Variants in MAGI2 observed in about 807,000 individuals in gnomAD.
MAGI2 encodes the protein membrane-associated guanylate kinase, WW and PDZ domain-containing protein 2.
In MAGI2, 35 loss-of-function variants were observed where a neutral mutation model predicts 133.3. The ratio of observed to expected loss-of-function variants is 0.26; its 90% CI spans 0.20 to 0.35. The LOEUF (loss-of-function observed/expected upper bound fraction) is 0.35, where lower values mean the gene tolerates loss of function less well. Among genes scored for constraint, MAGI2 ranks in the 10% least tolerant of loss-of-function variants. The pLI is 1.00. For missense variants in MAGI2, 1,636 were observed against 1,863.4 expected, an observed-to-expected ratio of 0.88 and a Z score of 2.25; for synonymous variants, 729 against 710.6, an observed-to-expected ratio of 1.03 and a Z score of -0.41.
intron 3 of MAGI2, among the ~76,000 whole-genome samples, chr7:78,601,559 C>G (rs754432248): frequency 1.3e-5 from 2 of 152,110 alleles, no homozygotes; most frequent in East Asian, 3.9e-4. Flanking sequence ...TTGCAAAAAT[C>G]CTGTTTCCTT....
intron 13 of MAGI2, among the ~76,000 whole-genome samples, chr7:78,179,221 T>C (rs1253007542): frequency 6.6e-6 from 1 of 152,216 alleles, no homozygotes; most frequent in Non-Finnish European, 1.5e-5. Flanking sequence ...TAGAAGCAGG[T>C]ATTAAGTAAA....
intron 21 of MAGI2, among the ~76,000 whole-genome samples, chr7:78,056,159 G>A (rs1812544180): frequency 6.6e-6 from 1 of 152,068 alleles, no homozygotes. Flanking sequence ...CATGTAAGTG[G>A]AATCATGCAG....
chr7:78,579,924 A>C (rs918217731), intron 3 of MAGI2, among the ~76,000 whole-genome samples: 11 of 152,140 alleles, frequency 7.2e-5, no homozygotes, highest in African/African-American at 2.7e-4. Context: ...GCAGCGACCA[A>C]CTGCTCGTCT....
chr7:79,112,216 G>T (rs898505195), intron 1 of MAGI2, among the ~76,000 whole-genome samples: 1 of 151,918 alleles, frequency 6.6e-6, no homozygotes, highest in African/African-American at 2.4e-5. Context: ...TAAGCGAATA[G>T]TTATCTGGAA....
chr7:79,408,104 T>A lies in MAGI2; in HGVS notation c.301+44916A>T, dbSNP rs184006093. On this transcript the variant is annotated intron_variant, in intron 1 of 21. Coordinates refer to ENST00000354212, the MANE Select transcript of MAGI2 (RefSeq NM_012301.4). ...TTTTAAATGCTATAAATAGAAATAG[T>A]CTAGCTTGGAAAGCTTGATTTTACT... 6.0e-3 allele frequency among the ~76,000 whole-genome samples: 917 copies of A among 152,270 alleles called. 9 individuals carry two copies. Among genetic ancestry groups the A allele is most frequent in the African/African-American group, 0.021 (875 of 41,570 alleles).
intron 2 of MAGI2, among the ~76,000 whole-genome samples, chr7:78,803,716 C>T (rs1258144294): frequency 6.6e-6 from 1 of 152,084 alleles, no homozygotes; most frequent in African/African-American, 2.4e-5. Context: ...ATGTATATGA[C>T]TCATATACTT....
intron 2 of MAGI2, among the ~76,000 whole-genome samples, chr7:78,654,703 G>GTATA (rs57776940): frequency 1.7e-4 from 20 of 118,434 alleles, no homozygotes; most frequent in East Asian, 5.2e-4. Context: ...TTACATATAT[G>GTATA]TATATATATA....
At chr7:79,057,562 TCAGC>T (rs1216016509) in intron 1 of MAGI2, among the ~76,000 whole-genome samples, 1 of 152,230 alleles carries the variant, frequency 6.6e-6, no homozygotes, top group African/African-American at 2.4e-5. Context: ...TCAGGTTGTC[TCAGC>T]CTAGAAGTGC....
At chr7:78,858,199 C>A (rs1258595377) in intron 2 of MAGI2, among the ~76,000 whole-genome samples, 2 of 152,090 alleles carry the variant, frequency 1.3e-5, no homozygotes, top group Non-Finnish European at 2.9e-5. Context: ...TTTCAAAAAA[C>A]CAGCTCCTGG....
intron 9 of MAGI2, among the ~76,000 whole-genome samples, chr7:78,311,563 A>G (rs1246179525): frequency 1.3e-5 from 2 of 152,180 alleles, no homozygotes; most frequent in Non-Finnish European, 2.9e-5. Flanking sequence ...ATGACAGTAT[A>G]AAGAAACAAA....
chr7:79,177,197 G>GT (rs552661004), intron 1 of MAGI2: 2 of 151,800 alleles, frequency 1.3e-5, no homozygotes, highest in Non-Finnish European at 2.9e-5. Context: ...ATTAAGGATC[G>GT]TTTTTTCCTA....
chr7:78,644,028 TATA>T (rs1234230434), intron 2 of MAGI2, among the ~76,000 whole-genome samples: 3 of 152,102 alleles, frequency 2.0e-5, no homozygotes, highest in Non-Finnish European at 2.9e-5. Flanking sequence ...AAATGAAATT[TATA>T]ATAATATCAG....
intron 20 of MAGI2, among the ~76,000 whole-genome samples, chr7:78,092,688 A>G (rs912124249): frequency 6.6e-6 from 1 of 152,330 alleles, no homozygotes; most frequent in South Asian, 2.1e-4. Flanking sequence ...TAGCTTTGCA[A>G]TGTACTTTTT....
chr7:79,019,425 G>A lies in MAGI2; in HGVS notation c.302-12219C>T, dbSNP rs978114973. ...CTATCCTGCCACCCTGTGAAGAGGT[G>A]CCTTCTACCATGACTGTAAGTTTCC... is the stretch of plus-strand genomic sequence containing the variant. On this transcript the variant is annotated intron_variant, in intron 1 of 21. Transcript: ENST00000354212. 3.3e-5 allele frequency among the ~76,000 whole-genome samples: 5 copies of A among 152,136 alleles called. No homozygotes were observed. In the South Asian group the frequency reaches 6.2e-4, roughly 19 times the overall value.
chr7:78,489,121 C>T (rs1793351583), intron 6 of MAGI2, among the ~76,000 whole-genome samples: 1 of 152,032 alleles, frequency 6.6e-6, no homozygotes, highest in African/African-American at 2.4e-5. Context: ...TAACAGACTT[C>T]ACCCACATAA....
chr7:78,613,997 C>T (rs1806775998), intron 3 of MAGI2, among the ~76,000 whole-genome samples: 1 of 151,786 alleles, frequency 6.6e-6, no homozygotes, highest in African/African-American at 2.4e-5. Context: ...GTAATCCCGG[C>T]TACATGGGAG....
chr7:78,336,791 GA>G (rs1249065259), intron 9 of MAGI2, among the ~76,000 whole-genome samples: 1 of 151,142 alleles, frequency 6.6e-6, no homozygotes, highest in Non-Finnish European at 1.5e-5. Context: ...AAAGAAAGAA[GA>G]AAAAAAGAAG....
intron 3 of MAGI2, among the ~76,000 whole-genome samples, chr7:78,584,025 A>C (rs542018724): frequency 2.0e-5 from 3 of 152,358 alleles, no homozygotes; most frequent in Non-Finnish European, 4.4e-5. Context: ...TTTTATAAGA[A>C]GCTTATGTAA....
At chr7:78,667,465 G>A (rs1212954635) in intron 2 of MAGI2, among the ~76,000 whole-genome samples, 3 of 150,278 alleles carry the variant, frequency 2.0e-5, no homozygotes, top group Admixed American at 6.7e-5. Flanking sequence ...ATGTATATAT[G>A]TGCCATGCTG....
Sources: gnomAD v4.1 joint callset for allele counts (sites outside exome capture counted in the v4.1 genomes callset) on GRCh38, gnomAD v4.1.1 for gene constraint, MANE v1.5 for transcripts, NCBI Gene and HGNC (gene_info 2026-07-23, HGNC 2026-07-21) for gene names.